STK33: variants seen among roughly 807,000 people sequenced by gnomAD.
The protein encoded by STK33 is serine/threonine kinase 33.
A neutral mutation model predicts 58.0 loss-of-function variants in STK33; 52 were observed. The observed-to-expected ratio is 0.90, with a 90% CI of 0.72 to 1.13. The LOEUF (loss-of-function observed/expected upper bound fraction) is 1.13. Ranked by LOEUF, STK33 falls within the 50% of genes most tolerant of loss-of-function variation. STK33 has a pLI of 0.00. For synonymous variants in STK33, 215 were observed against 200.1 expected, an observed-to-expected ratio of 1.07 and a Z score of -0.63; for missense variants, 630 against 604.2, an observed-to-expected ratio of 1.04 and a Z score of -0.45.
chr11:8,448,983 G>A (rs991718650), intron 11 of STK33, among the ~76,000 whole-genome samples: 2 of 151,680 alleles, frequency 1.3e-5, no homozygotes, highest in Non-Finnish European at 2.9e-5. Flanking sequence ...GAAATGAACA[G>A]ACACTTCTCA....
intron 1 of STK33, among the ~76,000 whole-genome samples, chr11:8,534,368 C>T (rs1184298839): frequency 6.6e-6 from 1 of 152,068 alleles, no homozygotes; most frequent in Non-Finnish European, 1.5e-5. Flanking sequence ...GCCTAACCCA[C>T]TCTACTCCCC....
chr11:8,584,354 C>T (rs1018970394), intron 1 of STK33, among the ~76,000 whole-genome samples: 8 of 152,172 alleles, frequency 5.3e-5, no homozygotes, highest in Admixed American at 2.6e-4. Context: ...CATACATATT[C>T]CTTCATGTCT....
At chr11:8,415,129 T>C (rs1940930235) in intron 14 of STK33, among the ~76,000 whole-genome samples, 1 of 152,112 alleles carries the variant, frequency 6.6e-6, no homozygotes, top group South Asian at 2.1e-4. Flanking sequence ...TTAATTTTCA[T>C]AAAATCAGTG....
intron 15 of STK33, among the ~76,000 whole-genome samples, chr11:8,397,775 T>C (rs970184379): frequency 6.6e-6 from 1 of 152,008 alleles, no homozygotes; most frequent in Non-Finnish European, 1.5e-5. Context: ...AAGGACCTGA[T>C]GGAGCTGAAA....
chr11:8,364,127 T>C, the STK33 span, among the ~76,000 whole-genome samples: 1 of 152,204 alleles, frequency 6.6e-6, no homozygotes, highest in African/African-American at 2.4e-5. Flanking sequence ...GTTCATCCAT[T>C]TCATCACAAC....
intron 1 of STK33, among the ~76,000 whole-genome samples, chr11:8,494,151 T>C (rs934537275): frequency 3.9e-5 from 6 of 152,126 alleles, no homozygotes; most frequent in African/African-American, 1.4e-4. Context: ...AAAGAGAAAG[T>C]CAAATTGTCC....
chr11:8,528,947 A>T (rs1368906716), intron 1 of STK33, among the ~76,000 whole-genome samples: 1 of 152,226 alleles, frequency 6.6e-6, no homozygotes. Context: ...CAATACCACT[A>T]TGTGAGTATT....
At chr11:8,495,327 C>T (rs1165151445) in intron 1 of STK33, among the ~76,000 whole-genome samples, 3 of 152,196 alleles carry the variant, frequency 2.0e-5, no homozygotes, top group Middle Eastern at 3.4e-3. Context: ...ATTTTTGCAG[C>T]CAACAAACAT....
intron 1 of STK33, among the ~76,000 whole-genome samples, chr11:8,500,018 A>C (rs1951391369): frequency 6.6e-6 from 1 of 152,142 alleles, no homozygotes; most frequent in South Asian, 2.1e-4. Context: ...GTGTATACCT[A>C]TGTAACAAAC....
rs1448404174 is a variant in STK33 at position 8,454,730 on chromosome 11, A to T, written c.786+14T>A. The T allele has an allele frequency of 1.3e-6, 2 of 1,562,250 alleles. No homozygotes were observed. Among genetic ancestry groups the T allele is most frequent in the Non-Finnish European group, 8.7e-7 (1 of 1,153,054 alleles). Reference sequence around the variant, plus strand: ...TGTTTACAGGCAAATATTTACCACCATTGCTAATCTTACCTTTATGTTTAA... The same window carrying T: ...TGTTTACAGGCAAATATTTACCACCTTTGCTAATCTTACCTTTATGTTTAA... On this transcript the variant is annotated intron_variant, in intron 10 of 15. Transcript: ENST00000687296.
chr11:8,471,151 C>G (rs959740366), intron 6 of STK33, among the ~76,000 whole-genome samples: 1 of 152,168 alleles, frequency 6.6e-6, no homozygotes, highest in Non-Finnish European at 1.5e-5. Context: ...ACAAAATAAT[C>G]TCTTCATAAC....
the STK33 span, among the ~76,000 whole-genome samples, chr11:8,351,038 GA>G: frequency 6.6e-6 from 1 of 152,110 alleles, no homozygotes; most frequent in Non-Finnish European, 1.5e-5. Context: ...TGGCCCTGGG[GA>G]TGGCTTGCCT....
chr11:8,498,836 A>T (rs1401057420), intron 1 of STK33, among the ~76,000 whole-genome samples: 1 of 152,234 alleles, frequency 6.6e-6, no homozygotes, highest in African/African-American at 2.4e-5. Context: ...TGGGGAAAGG[A>T]TTCCCTATTT....
At chr11:8,419,731 G>GT (rs918160527) in intron 14 of STK33, among the ~76,000 whole-genome samples, 18 of 151,660 alleles carry the variant, frequency 1.2e-4, no homozygotes, top group Admixed American at 2.0e-4. Context: ...ATGCTTTTCC[G>GT]TTTTTTTTAA....
At chr11:8,576,435 T>C (rs923444229) in intron 1 of STK33, among the ~76,000 whole-genome samples, 19 of 152,258 alleles carry the variant, frequency 1.2e-4, no homozygotes, top group African/African-American at 4.6e-4. Context: ...TAAGAAGAAA[T>C]AAATAAACCT....
At chr11:8,376,605 G>A in the STK33 span, among the ~76,000 whole-genome samples, 6 of 151,730 alleles carry the variant, frequency 4.0e-5, no homozygotes, top group African/African-American at 1.5e-4. Flanking sequence ...GCAGTGGCAT[G>A]ATCTCAGCTC....
the STK33 span, among the ~76,000 whole-genome samples, chr11:8,357,404 G>A: frequency 6.6e-6 from 1 of 152,240 alleles, no homozygotes; most frequent in African/African-American, 2.4e-5. Flanking sequence ...TCGCAGCCCC[G>A]CGGGCCTCCA....
At chr11:8,561,808 T>C (rs1957131604) in intron 1 of STK33, among the ~76,000 whole-genome samples, 1 of 152,212 alleles carries the variant, frequency 6.6e-6, no homozygotes. Flanking sequence ...CTTTAGGAAA[T>C]GTATAAAGTG....
At position 8,508,585 on chromosome 11, in the gene STK33, TGTCTA is replaced by T. The variant is rs1952056095; in HGVS notation, c.-465-27976_-465-27972del. ...TGTGCCTGGCCTTACCTTTTCTTCT[TGTCTA>T]TTCTATTCCTCTTTTAAAAAACTCT... is the stretch of plus-strand genomic sequence containing the variant. On this transcript the variant is annotated intron_variant, in intron 1 of 15. Coordinates refer to ENST00000687296, the MANE Select transcript of STK33 (RefSeq NM_001352389.2). Among the ~76,000 whole-genome samples the T allele has an allele frequency of 2.6e-5, 4 of 152,174 alleles. No individual in the cohort carries two copies. In the South Asian group the frequency reaches 8.3e-4, roughly 32 times the overall value.
Sources: allele counts gnomAD v4.1 joint callset (sites outside exome capture counted in the v4.1 genomes callset), GRCh38; gene constraint gnomAD v4.1.1; transcripts MANE v1.5; gene names NCBI Gene and HGNC (gene_info 2026-07-23, HGNC 2026-07-21).